AK8: variants seen among roughly 807,000 people sequenced by gnomAD.
The protein encoded by AK8 is ATP-AMP transphosphorylase 8.
Under a neutral mutation model 54.6 loss-of-function variants are expected in AK8, and 44 were observed. That is an observed-to-expected ratio of 0.81 (90% CI 0.63 to 1.04). The LOEUF is 1.04. Ranked by LOEUF, AK8 falls within the 50% of genes least tolerant of loss-of-function variation. The probability of loss-of-function intolerance (pLI) is 0.00; values close to 1 mark genes in which losing one functional copy is unlikely to be tolerated. For missense variants in AK8, 555 were observed against 613.6 expected (o/e 0.90, Z 1.01); for synonymous variants, 239 against 245.6 (o/e 0.97, Z 0.25).
At chr9:132,755,790 G>A (rs1329519880) in intron 11 of AK8, among the ~76,000 whole-genome samples, 5 of 150,130 alleles carry the variant, frequency 3.3e-5, no homozygotes, top group Admixed American at 1.3e-4. Context: ...TTTTTGAGAC[G>A]GAGTTTCGCT....
chr9:132,863,642 CCT>C (rs1843476518), intron 4 of AK8, 21 bp downstream of exon 4: 6 of 1,562,442 alleles, frequency 3.8e-6, no homozygotes, highest in Non-Finnish European at 5.3e-6. Context: ...TGTGCCTACC[CCT>C]GTCCCCGGGG....
intron 5 of AK8, among the ~76,000 whole-genome samples, chr9:132,832,579 G>T (rs1019752353): frequency 1.3e-5 from 2 of 152,196 alleles, no homozygotes; most frequent in Admixed American, 6.5e-5. Flanking sequence ...TTCTGTTTTA[G>T]TCCCTTTTTG....
At chr9:132,853,378 G>C (rs1306181829) in intron 5 of AK8, among the ~76,000 whole-genome samples, 1 of 143,546 alleles carries the variant, frequency 7.0e-6, no homozygotes, top group Non-Finnish European at 1.5e-5. Context: ...AAAAAGAAAA[G>C]AAAAGGAAAA....
intron 11 of AK8, among the ~76,000 whole-genome samples, chr9:132,750,831 A>G (rs1004938171): frequency 1.3e-5 from 2 of 151,956 alleles, no homozygotes; most frequent in African/African-American, 4.8e-5. Context: ...TGACTTTGCA[A>G]TCGGAAGAAA....
At chr9:132,808,079 A>G (rs923996244) in intron 10 of AK8, among the ~76,000 whole-genome samples, 2 of 152,196 alleles carry the variant, frequency 1.3e-5, no homozygotes, top group African/African-American at 2.4e-5. Context: ...CTCATTTTAA[A>G]TGATACAGAA....
At chr9:132,761,259 CTTTTCTTTTCTTTTT>C (rs1838452197) in intron 11 of AK8, among the ~76,000 whole-genome samples, 1 of 133,368 alleles carries the variant, frequency 7.5e-6, no homozygotes, top group Non-Finnish European at 1.5e-5. Context: ...TTTTTCTTTT[CTTTTCTTTTCTTTTT>C]TTTTTTTTTT....
chr9:132,734,427 C>G (rs149050791), intron 11 of AK8, among the ~76,000 whole-genome samples: 3 of 152,084 alleles, frequency 2.0e-5, no homozygotes, highest in African/African-American at 4.8e-5. Context: ...CAGGGTGAGG[C>G]CTGAAAATGG....
At chr9:132,868,076 C>G (rs1843674163) in intron 2 of AK8, among the ~76,000 whole-genome samples, 1 of 152,174 alleles carries the variant, frequency 6.6e-6, no homozygotes, top group Admixed American at 6.5e-5. Flanking sequence ...TTGGCCTGGC[C>G]CCTGACCCAA....
At chr9:132,865,461 G>A (rs1247246755) in intron 3 of AK8, among the ~76,000 whole-genome samples, 1 of 152,172 alleles carries the variant, frequency 6.6e-6, no homozygotes, top group African/African-American at 2.4e-5. Flanking sequence ...TCACCAATCA[G>A]GCTTTTAAAA....
rs1482195986 is a variant in AK8 at position 132,799,905 on chromosome 9, G to T, written c.980-7130C>A. ...GCTTCTCTTTCTCCTGTGGTCCCTG[G>T]GTCCCTGGGTCCCGCCCCTCCTGAA... On this transcript the variant is annotated intron_variant, in intron 10 of 12. Coordinates refer to ENST00000298545, the MANE Select transcript of AK8 (RefSeq NM_152572.3). This position sits in a 1 kb window ranked among gnomAD's most constrained non-coding sequence, Gnocchi z 5.0. 1.3e-5 allele frequency among the ~76,000 whole-genome samples: 2 copies of T among 152,098 alleles called. No individual in the cohort carries two copies. The highest frequency in any genetic ancestry group is 4.8e-5 in the African/African-American group (2 of 41,404).
chr9:132,874,949 C>T (rs746272837), intron 2 of AK8, among the ~76,000 whole-genome samples, 166 bp downstream of exon 2: 4 of 152,194 alleles, frequency 2.6e-5, no homozygotes, highest in African/African-American at 4.8e-5. Flanking sequence ...TCCCTTCTGA[C>T]CTCCCTTCAG....
At position 132,855,031 on chromosome 9, in the gene AK8, C is replaced by T. The variant is rs895568467; in HGVS notation, c.334-106G>A. Reference sequence around the variant, plus strand: ...CCAACGCCCTGGCCTCTGGAAAGCACCGACCACCATCGGGCCCCGCCCTTC... The same window carrying T: ...CCAACGCCCTGGCCTCTGGAAAGCATCGACCACCATCGGGCCCCGCCCTTC... On this transcript the variant is annotated intron_variant, in intron 4 of 12. Coordinates refer to ENST00000298545, the MANE Select transcript of AK8 (RefSeq NM_152572.3). The T allele has an allele frequency of 1.5e-5, 18 of 1,189,028 alleles. No individual in the cohort carries two copies. The African/African-American group carries it at 2.1e-4, about 14-fold the overall frequency. The allele number at this position is 1,189,028 out of a possible 1,614,324, so 73.7% of individuals were successfully genotyped here.
chr9:132,867,122 C>T (rs1843631543), intron 2 of AK8, among the ~76,000 whole-genome samples, 169 bp from the exon 3 acceptor site: 1 of 152,140 alleles, frequency 6.6e-6, no homozygotes, highest in Non-Finnish European at 1.5e-5. Flanking sequence ...GGAACGCATT[C>T]TCTGTGTTCA....
At chr9:132,851,527 T>C (rs1046295638) in intron 5 of AK8, among the ~76,000 whole-genome samples, 6 of 152,210 alleles carry the variant, frequency 3.9e-5, no homozygotes, top group African/African-American at 1.4e-4. Context: ...AAACACAGTG[T>C]TTGATGAGAT....
chr9:132,855,841 G>A (rs1024023940), intron 4 of AK8, among the ~76,000 whole-genome samples: 1 of 152,120 alleles, frequency 6.6e-6, no homozygotes, highest in African/African-American at 2.4e-5. Context: ...ATCCCAAAGA[G>A]GAGTCGCCCT....
intron 4 of AK8, among the ~76,000 whole-genome samples, chr9:132,859,855 G>A (rs1347499742): frequency 2.0e-5 from 3 of 152,116 alleles, no homozygotes; most frequent in African/African-American, 4.8e-5. Context: ...CAGGGGCAGC[G>A]TTTCAGGGGA....
intron 11 of AK8, among the ~76,000 whole-genome samples, chr9:132,747,555 C>T (rs1323870416): frequency 6.6e-6 from 1 of 151,304 alleles, no homozygotes; most frequent in East Asian, 2.0e-4. Context: ...TCAAGCGATT[C>T]TCATGCCTCA....
chr9:132,795,589 T>C (rs920370693), intron 10 of AK8, among the ~76,000 whole-genome samples: 1 of 152,132 alleles, frequency 6.6e-6, no homozygotes, highest in African/African-American at 2.4e-5. Flanking sequence ...AATACAGAAA[T>C]AATCCTATCC....
intron 10 of AK8, among the ~76,000 whole-genome samples, chr9:132,794,566 T>C (rs12340077): frequency 2.7e-4 from 41 of 152,330 alleles, no homozygotes; most frequent in African/African-American, 9.1e-4. Flanking sequence ...TACTTCTCTC[T>C]GGGTGATTCT....
Sources: allele counts gnomAD v4.1 joint callset (sites outside exome capture counted in the v4.1 genomes callset), GRCh38; gene constraint gnomAD v4.1.1; non-coding constraint Gnocchi (gnomAD v3.1); transcripts MANE v1.5; gene names NCBI Gene and HGNC (gene_info 2026-07-23, HGNC 2026-07-21).